Variants in ZNF438 observed in about 807,000 individuals in gnomAD.
The protein encoded by ZNF438 is zinc finger protein 438.
Under a neutral mutation model 38.0 loss-of-function variants are expected in ZNF438, and 25 were observed. The ratio of observed to expected loss-of-function variants is 0.66; its 90% confidence interval spans 0.48 to 0.92. The LOEUF is 0.92. Among genes scored for constraint, ZNF438 ranks in the 40% least tolerant of loss-of-function variants. The pLI, the probability that ZNF438 is intolerant of heterozygous loss-of-function variation, is 0.00. For synonymous variants in ZNF438, 372 were observed against 364.1 expected (o/e 1.02, Z -0.25); for missense variants, 1,007 against 999.6 (o/e 1.01, Z -0.10).
At chr10:30,897,235 T>C (rs899065690) in intron 3 of ZNF438, among the ~76,000 whole-genome samples, 2 of 152,208 alleles carry the variant, frequency 1.3e-5, no homozygotes, top group African/African-American at 4.8e-5. Flanking sequence ...TATACAAAAG[T>C]AAATACTGCC....
At chr10:30,887,534 G>A (rs2040118678) in intron 3 of ZNF438, among the ~76,000 whole-genome samples, 1 of 152,106 alleles carries the variant, frequency 6.6e-6, no homozygotes. Flanking sequence ...GATTACAGAT[G>A]CCAGCCATCA....
At chr10:30,992,416 C>T (rs201723244) in intron 1 of ZNF438, among the ~76,000 whole-genome samples, 8 of 141,700 alleles carry the variant, frequency 5.6e-5, no homozygotes, top group East Asian at 2.1e-4. Context: ...TCTGAATCTT[C>T]TTTTTTTTTT....
chr10:30,954,530 T>TA (rs1457183368), intron 1 of ZNF438, among the ~76,000 whole-genome samples: 1 of 152,234 alleles, frequency 6.6e-6, no homozygotes, highest in South Asian at 2.1e-4. Flanking sequence ...CTAAGAATCT[T>TA]AAGAGTATGA....
intron 1 of ZNF438, among the ~76,000 whole-genome samples, chr10:30,943,709 G>C (rs950458376): frequency 6.6e-6 from 1 of 152,134 alleles, no homozygotes; most frequent in Non-Finnish European, 1.5e-5. Flanking sequence ...AATTAGAAAA[G>C]GGAGATGGTA....
At chr10:30,905,591 A>G (rs1472201680) in intron 3 of ZNF438, among the ~76,000 whole-genome samples, 2 of 152,152 alleles carry the variant, frequency 1.3e-5, no homozygotes, top group Non-Finnish European at 2.9e-5. Flanking sequence ...TTGAAGTACA[A>G]AAGTTTTTAA....
At chr10:30,872,425 CAAAAAAAAAAAAAAAAAAA>C (rs566401687) in intron 4 of ZNF438, among the ~76,000 whole-genome samples, 5,136 of 57,972 alleles carry the variant, frequency 0.089, 235 homozygotes, top group Non-Finnish European at 0.12. Context: ...GACTCTGTCT[CAAAAAAAAAAAAAAAAAAA>C]AAAAAAAAAA....
intron 1 of ZNF438, among the ~76,000 whole-genome samples, chr10:31,011,026 T>C (rs764663289): frequency 6.6e-6 from 1 of 150,730 alleles, no homozygotes; most frequent in African/African-American, 2.5e-5. Context: ...GTGAGGAAAA[T>C]TAACACTCAG....
chr10:30,880,210 C>T (rs2039024822), intron 3 of ZNF438, among the ~76,000 whole-genome samples: 1 of 151,990 alleles, frequency 6.6e-6, no homozygotes, highest in Admixed American at 6.6e-5. Flanking sequence ...GCGGGCAGAT[C>T]ACCTCAGGTT....
At chr10:30,912,608 C>T (rs759390548) in intron 2 of ZNF438, among the ~76,000 whole-genome samples, 62 of 152,144 alleles carry the variant, frequency 4.1e-4, no homozygotes, top group Admixed American at 9.2e-4. Context: ...TCTGTCTACA[C>T]AGGCAGCATA....
At position 30,935,642 on chromosome 10, in the gene ZNF438, A is replaced by G. The variant is rs564320824; in HGVS notation, c.-115+5933T>C. On this transcript the variant is annotated intron_variant, in intron 2 of 5. Transcript: ENST00000413025. ...TATTAGTCTGTTCTCACATTGCTATAAAGAAATACCAGAGACTGGTTAATT... is the reference window on the plus strand; with the variant it reads ...TATTAGTCTGTTCTCACATTGCTATGAAGAAATACCAGAGACTGGTTAATT... Among the ~76,000 whole-genome samples the G allele has an allele frequency of 7.9e-5, 12 of 152,352 alleles. No individual in the cohort carries two copies. The East Asian group carries it at 2.3e-3, about 29-fold the overall frequency.
exon 5 of ZNF438, chr10:30,850,118 G>A (rs1397281549): frequency 1.2e-6 from 2 of 1,614,154 alleles, no homozygotes; most frequent in South Asian, 2.2e-5. Flanking sequence ...ATGTGGCAGA[G>A]CAACAAGAGA....
At chr10:31,008,358 A>G (rs1016468892) in intron 1 of ZNF438, among the ~76,000 whole-genome samples, 1 of 152,208 alleles carries the variant, frequency 6.6e-6, no homozygotes, top group Non-Finnish European at 1.5e-5. Flanking sequence ...TAGTATATTC[A>G]GAGTTGTGCC....
intron 3 of ZNF438, among the ~76,000 whole-genome samples, chr10:30,902,993 C>T (rs868235374): frequency 6.6e-6 from 1 of 151,636 alleles, no homozygotes; most frequent in South Asian, 2.1e-4. Context: ...AGCGCAGCGC[C>T]GCACTGCTGG....
At chr10:30,896,530 T>C (rs536786332) in intron 3 of ZNF438, among the ~76,000 whole-genome samples, 8 of 152,122 alleles carry the variant, frequency 5.3e-5, no homozygotes, top group Non-Finnish European at 1.0e-4. Flanking sequence ...GAGGAGACTA[T>C]GTTAAATGAA....
chr10:31,003,552 C>T (rs1314297105), intron 1 of ZNF438, among the ~76,000 whole-genome samples: 1 of 152,158 alleles, frequency 6.6e-6, no homozygotes, highest in Non-Finnish European at 1.5e-5. Flanking sequence ...ATCTGAAAAA[C>T]AAAGCATACT....
At chr10:30,891,824 A>G (rs1210267964) in intron 3 of ZNF438, among the ~76,000 whole-genome samples, 1 of 152,198 alleles carries the variant, frequency 6.6e-6, no homozygotes, top group East Asian at 1.9e-4. Context: ...CAGATATAAG[A>G]AAAAGATTTG....
At chr10:30,882,311 T>C (rs1564561345) in intron 3 of ZNF438, among the ~76,000 whole-genome samples, 1 of 152,160 alleles carries the variant, frequency 6.6e-6, no homozygotes, top group Non-Finnish European at 1.5e-5. Flanking sequence ...ACATCACTGG[T>C]TATTAAGAAA....
chr10:31,017,365 G>A (rs1043107468), intron 1 of ZNF438, among the ~76,000 whole-genome samples: 4 of 152,160 alleles, frequency 2.6e-5, no homozygotes, highest in Admixed American at 6.5e-5. Context: ...TGCTCCAATA[G>A]GGCAGCAAAG....
chr10:30,870,171 C>A (rs1184019043), intron 4 of ZNF438, among the ~76,000 whole-genome samples: 2 of 152,194 alleles, frequency 1.3e-5, no homozygotes, highest in African/African-American at 4.8e-5. Flanking sequence ...AAGGTGTATT[C>A]ATATACAGTT....
Sources: gnomAD v4.1 joint callset for allele counts (sites outside exome capture counted in the v4.1 genomes callset) on GRCh38, gnomAD v4.1.1 for gene constraint, MANE v1.5 for transcripts, NCBI Gene and HGNC (gene_info 2026-07-23, HGNC 2026-07-21) for gene names.